The following COMMD10 variants were observed in gnomAD, a reference collection of about 807,000 sequenced individuals.
COMMD10 encodes the protein COMM domain containing 10.
Under a neutral mutation model 28.9 loss-of-function variants are expected in COMMD10, and 33 were observed. That is an observed-to-expected ratio of 1.14 (90% CI 0.87 to 1.53). COMMD10 has a LOEUF of 1.53. Ranked by LOEUF, COMMD10 falls within the 40% of genes most tolerant of loss-of-function variation. The pLI is 0.00. For synonymous variants in COMMD10, 110 were observed against 81.7 expected (o/e 1.35, Z -1.87); for missense variants, 310 against 233.4 (o/e 1.33, Z -2.14).
At chr5:116,139,064 G>A (rs546163551) in intron 5 of COMMD10, among the ~76,000 whole-genome samples, 1 of 151,806 alleles carries the variant, frequency 6.6e-6, no homozygotes, top group East Asian at 1.9e-4. Context: ...TTGAGTTCCA[G>A]TTTATCAGTA....
intron 5 of COMMD10, among the ~76,000 whole-genome samples, chr5:116,161,007 A>G (rs1197409703): frequency 6.6e-6 from 1 of 151,960 alleles, no homozygotes; most frequent in East Asian, 1.9e-4. Context: ...AATAATACTG[A>G]TGGTAAATAG....
chr5:116,182,018 G>A (rs1275178001), intron 5 of COMMD10, among the ~76,000 whole-genome samples: 3 of 152,036 alleles, frequency 2.0e-5, no homozygotes, highest in African/African-American at 7.2e-5. Context: ...TTATGTAGTT[G>A]CCAGTTGAAA....
intron 5 of COMMD10, among the ~76,000 whole-genome samples, chr5:116,290,702 A>G (rs936557940): frequency 4.0e-5 from 6 of 151,216 alleles, no homozygotes; most frequent in African/African-American, 1.5e-4. Flanking sequence ...AGCAGTTAGC[A>G]TATTCTTGGC....
At chr5:116,139,501 A>C (rs915301350) in intron 5 of COMMD10, among the ~76,000 whole-genome samples, 1 of 151,720 alleles carries the variant, frequency 6.6e-6, no homozygotes, top group East Asian at 1.9e-4. Context: ...TAGAAATTTA[A>C]ATCTTTTCAT....
intron 1 of COMMD10, among the ~76,000 whole-genome samples, 186 bp from the exon 2 acceptor site, chr5:116,087,311 G>T (rs113180642): frequency 1.3e-5 from 2 of 152,160 alleles, no homozygotes; most frequent in African/African-American, 2.4e-5. Flanking sequence ...AAGTAATTTT[G>T]GGGGCATCTT....
intron 1 of COMMD10, among the ~76,000 whole-genome samples, chr5:116,086,446 C>T (rs778927009): frequency 1.4e-5 from 2 of 142,026 alleles, no homozygotes; most frequent in African/African-American, 5.2e-5. Flanking sequence ...GAGGCTGAGG[C>T]GGGCTAATCT....
intron 2 of COMMD10, among the ~76,000 whole-genome samples, chr5:116,090,279 G>C (rs1361878126): frequency 6.6e-6 from 1 of 152,152 alleles, no homozygotes; most frequent in African/African-American, 2.4e-5. Context: ...GTTACAATGT[G>C]TGGAGGGTGC....
chr5:116,175,409 C>G (rs923502946), intron 5 of COMMD10, among the ~76,000 whole-genome samples: 1 of 151,992 alleles, frequency 6.6e-6, no homozygotes, highest in African/African-American at 2.4e-5. Context: ...TAATGGGTAT[C>G]CTTGTACATT....
At chr5:116,139,792 G>T (rs72804836) in intron 5 of COMMD10, among the ~76,000 whole-genome samples, 205 of 151,470 alleles carry the variant, frequency 1.4e-3, no homozygotes, top group Admixed American at 2.4e-3. Context: ...AAGGTATACG[G>T]CATGCTGTTT....
rs748321620 is a variant in COMMD10, at chr5:116,087,564, A to C, written c.109A>C (p.Ile37Leu). The C allele has an allele frequency of 9.3e-6, 15 of 1,610,358 alleles. No individual in the cohort carries two copies. The highest frequency in any genetic ancestry group is 1.3e-5 in the Non-Finnish European group (15 of 1,176,658). ...AAGATTTCCACGGTTGCTCACTCGGATTCTTCAAAAACTTCACCTGAAGGT... is the reference window on the plus strand; with the variant it reads ...AAGATTTCCACGGTTGCTCACTCGGCTTCTTCAAAAACTTCACCTGAAGGT... ...TGRFPRLLTR[I>L]LQKLHLKAES... Residue 37 changes from isoleucine (I) to leucine (L), a missense_variant, in exon 2 of 7, where the codon ATT (isoleucine) becomes CTT (leucine). Physicochemically the swap from Ile to Leu is conservative, Grantham distance 5. Transcript: ENST00000274458.
intron 4 of COMMD10, among the ~76,000 whole-genome samples, chr5:116,094,928 T>C (rs923890217): frequency 2.0e-5 from 3 of 152,092 alleles, no homozygotes; most frequent in Admixed American, 6.6e-5. Flanking sequence ...CAGACAAATA[T>C]AACAGGCACT....
chr5:116,258,006 G>A (rs1750338688), intron 5 of COMMD10, among the ~76,000 whole-genome samples: 1 of 151,646 alleles, frequency 6.6e-6, no homozygotes, highest in African/African-American at 2.4e-5. Flanking sequence ...GTTTTAAAGA[G>A]GGTTCAGCAG....
At chr5:116,240,816 G>A (rs1749790517) in intron 5 of COMMD10, among the ~76,000 whole-genome samples, 1 of 152,172 alleles carries the variant, frequency 6.6e-6, no homozygotes, top group Non-Finnish European at 1.5e-5. Flanking sequence ...TTTCGAACTT[G>A]TAGCTATTGT....
intron 5 of COMMD10, among the ~76,000 whole-genome samples, chr5:116,266,408 C>T (rs932198475): frequency 2.6e-5 from 4 of 151,338 alleles, no homozygotes; most frequent in Admixed American, 6.6e-5. Flanking sequence ...AAATCCGCAG[C>T]GATGCTAAGG....
At chr5:116,102,558 T>C (rs1463380737) in intron 4 of COMMD10, among the ~76,000 whole-genome samples, 4 of 152,230 alleles carry the variant, frequency 2.6e-5, no homozygotes, top group Non-Finnish European at 5.9e-5. Context: ...TGCTTCCATA[T>C]GAATTTTAGG....
chr5:116,102,015 A>G (rs1024599708), intron 4 of COMMD10, among the ~76,000 whole-genome samples: 3 of 152,052 alleles, frequency 2.0e-5, no homozygotes, highest in African/African-American at 7.2e-5. Context: ...CAGGTTTTCT[A>G]TGTACTATGT....
At chr5:116,197,439 T>G (rs940004855) in intron 5 of COMMD10, among the ~76,000 whole-genome samples, 1 of 152,076 alleles carries the variant, frequency 6.6e-6, no homozygotes, top group African/African-American at 2.4e-5. Flanking sequence ...TGGAATGCAG[T>G]GGTGTGATCT....
chr5:116,259,827 AATTGCATTTGGGAGAATGTACT>A (rs1750392498), intron 5 of COMMD10, among the ~76,000 whole-genome samples: 1 of 151,666 alleles, frequency 6.6e-6, no homozygotes, highest in African/African-American at 2.4e-5. Context: ...CATAGTCAGA[AATTGCATTTGGGAGAATGTACT>A]CCTGCTTTTG....
In COMMD10 at chr5:116,256,691, C is replaced by G. The variant is rs571917600; in HGVS notation, c.511-34826C>G. Among the ~76,000 whole-genome samples the G allele has an allele frequency of 3.6e-4, 55 of 151,700 alleles. 3 individuals are homozygous for G. In the South Asian group the frequency reaches 0.011, roughly 32 times the overall value. ...GTAATGAGATATGTTGGGATGGGACCCAAGTCTTAACGTGAATTCATTTAT... is the reference window on the plus strand; with the variant it reads ...GTAATGAGATATGTTGGGATGGGACGCAAGTCTTAACGTGAATTCATTTAT... On this transcript the variant is annotated intron_variant, in intron 5 of 6. Coordinates refer to ENST00000274458, the MANE Select transcript of COMMD10 (RefSeq NM_016144.4).
Sources: gnomAD v4.1 joint callset for allele counts (sites outside exome capture counted in the v4.1 genomes callset) on GRCh38, gnomAD v4.1.1 for gene constraint, MANE v1.5 for transcripts, NCBI Gene and HGNC (gene_info 2026-07-23, HGNC 2026-07-21) for gene names.